Variants in MED13L observed in about 807,000 individuals in gnomAD.
MED13L encodes mediator of RNA polymerase II transcription subunit 13-like.
MED13L carries 7 observed loss-of-function variants against 220.9 expected under a neutral mutation model. That is an observed-to-expected ratio of 0.03 (90% CI 0.02 to 0.06). The LOEUF is 0.06. Ranked by LOEUF, MED13L falls within the 10% of genes least tolerant of loss-of-function variation. MED13L has a pLI of 1.00. For synonymous variants in MED13L, 1,011 were observed against 1,015.2 expected (o/e 1.00, Z 0.08); for missense variants, 1,965 against 2,760.5 (o/e 0.71, Z 6.46).
intron 4 of MED13L, among the ~76,000 whole-genome samples, chr12:116,028,919 T>C (rs1880558688): frequency 6.6e-6 from 1 of 152,186 alleles, no homozygotes; most frequent in African/African-American, 2.4e-5. Flanking sequence ...ACTTTCTCTC[T>C]GTGAAGGTAC....
At position 116,007,462 on chromosome 12, in the gene MED13L, G is replaced by C. The variant is rs1163744014; in HGVS notation, c.2187C>G (p.Ala729=). Residue 729 remains alanine (A), a synonymous_variant, in exon 11 of 31, where the codon GCC becomes GCG. Transcript: ENST00000281928. ...CCGTCCCTTGTTTGCATTTCTTGTT[G>C]GCTGTAAAGATGTATTTTATGTCAC... The part of the protein sequence containing the change: ...EDGDIKYIFT[A]NKKCKQGTEK... 1 of 1,613,698 alleles carries C rather than the reference G, an allele frequency of 6.2e-7. No individual in the cohort carries two copies. The highest frequency in any genetic ancestry group is 8.5e-7 in the Non-Finnish European group (1 of 1,179,862).
At chr12:116,033,133 C>T (rs185307269) in intron 4 of MED13L, among the ~76,000 whole-genome samples, 1 of 151,948 alleles carries the variant, frequency 6.6e-6, no homozygotes, top group East Asian at 1.9e-4. Flanking sequence ...CACTGGAAAG[C>T]GTTCATCTTA....
chr12:116,045,959 T>C (rs1021235390), intron 4 of MED13L, among the ~76,000 whole-genome samples: 17 of 152,160 alleles, frequency 1.1e-4, no homozygotes, highest in Non-Finnish European at 4.4e-5. Flanking sequence ...CAATAAAAAT[T>C]ACATGCATGA....
chr12:116,016,410 TTTAAA>T (rs1399677843), intron 7 of MED13L, among the ~76,000 whole-genome samples: 1 of 152,168 alleles, frequency 6.6e-6, no homozygotes, highest in Admixed American at 6.6e-5. Flanking sequence ...TTTGCTACAT[TTTAAA>T]AGTTCCCAAC....
At chr12:116,041,459 T>C (rs1881521736) in intron 4 of MED13L, among the ~76,000 whole-genome samples, 1 of 152,218 alleles carries the variant, frequency 6.6e-6, no homozygotes, top group Non-Finnish European at 1.5e-5. Flanking sequence ...CGAAGAGATC[T>C]GTTCTACTAC....
intron 2 of MED13L, among the ~76,000 whole-genome samples, chr12:116,131,000 A>G (rs1406812383): frequency 1.3e-5 from 2 of 152,262 alleles, no homozygotes; most frequent in Non-Finnish European, 2.9e-5. Context: ...TTAAAGTTTT[A>G]TAAGCAGGTT....
At chr12:116,185,870 A>AT (rs1350935674) in intron 2 of MED13L, among the ~76,000 whole-genome samples, 7 of 151,992 alleles carry the variant, frequency 4.6e-5, no homozygotes, top group Admixed American at 1.3e-4. Flanking sequence ...ATTTGTTTGT[A>AT]TTTTTGGTAG....
At position 116,019,266 on chromosome 12, in the gene MED13L, T is replaced by C. The variant is rs892475555; in HGVS notation, c.967A>G (p.Met323Val). The change falls in exon 7 of 31, where the codon ATG (methionine) becomes GTG (valine). Residue 323 changes from methionine to valine, a missense_variant. Met to Val is a conservative substitution (Grantham distance 21). Around this residue, in one of 10 missense-constraint regions of MED13L, gnomAD observed 818 missense variants for 1,041.2 expected, o/e 0.79. Transcript: ENST00000281928. The part of the protein sequence containing the change: ...GSVKDPSNCG[M>V]PLTPPTSPEQ... ...GGAGAGGTGGGAGGGGTCAGAGGCA[T>C]CCCACAGTTACTTGGGTCCTTCACA... 1 of 1,613,850 alleles carries C rather than the reference T, an allele frequency of 6.2e-7. No homozygotes were observed. The highest frequency in any genetic ancestry group is 1.3e-5 in the African/African-American group (1 of 74,890).
chr12:116,006,132 T>G lies in MED13L; in HGVS notation c.2345-139A>C, dbSNP rs1566005344. On this transcript the variant is annotated intron_variant, in intron 12 of 30. Coordinates refer to ENST00000281928, the MANE Select transcript of MED13L (RefSeq NM_015335.5). ...TTTTAGTTAAATTTAGAGACAATTA[T>G]TTCCAAATATGTTTATCAGTTTTGA... 7 of 1,367,112 alleles carry G rather than the reference T, an allele frequency of 5.1e-6. No individual in the cohort carries two copies. In the Admixed American group the frequency reaches 7.9e-5, roughly 16 times the overall value. The allele number at this position is 1,367,112 out of a possible 1,614,324, so 84.7% of individuals were successfully genotyped here.
In MED13L at chr12:115,983,055, A is replaced by G; in HGVS notation, c.4955+62T>C. The G allele has an allele frequency of 1.9e-6, 3 of 1,542,100 alleles. No homozygotes were observed. The South Asian group carries it at 3.4e-5, about 17-fold the overall frequency. On this transcript the variant is annotated intron_variant, in intron 21 of 30. Transcript: ENST00000281928. ...CATGAGGTCAAGGGAGAAAAGGTGC[A>G]GAAGAAGAAGAGAGAAAGGGTCTGA...
chr12:116,121,657 C>A (rs891807993), intron 2 of MED13L, among the ~76,000 whole-genome samples: 10 of 152,204 alleles, frequency 6.6e-5, no homozygotes, highest in Non-Finnish European at 1.0e-4. Context: ...TCAAAGAATA[C>A]ATATTTCCTC....
intron 12 of MED13L, 113 bp from the exon 13 acceptor site, chr12:116,006,106 GT>G: frequency 6.8e-7 from 1 of 1,475,576 alleles, no homozygotes. Context: ...TTTCCCTATG[GT>G]TTTAGTTAAA....
At chr12:116,145,056 A>G (rs1877364737) in intron 2 of MED13L, among the ~76,000 whole-genome samples, 1 of 152,200 alleles carries the variant, frequency 6.6e-6, no homozygotes, top group Non-Finnish European at 1.5e-5. Flanking sequence ...TTTTCTTCAT[A>G]TGGCCATTTA....
At chr12:116,071,447 ACAGAGTTTC>A (rs1593009857) in intron 4 of MED13L, among the ~76,000 whole-genome samples, 1 of 152,152 alleles carries the variant, frequency 6.6e-6, no homozygotes, top group East Asian at 1.9e-4. Flanking sequence ...TTTGTTTGAG[ACAGAGTTTC>A]ACTCTTGTTG....
chr12:116,214,764 C>CCTA (rs1882900103), intron 2 of MED13L, among the ~76,000 whole-genome samples: 1 of 152,140 alleles, frequency 6.6e-6, no homozygotes, highest in African/African-American at 2.4e-5. Context: ...AAACCTTCTA[C>CCTA]CTAAACTCAC....
At chr12:116,068,672 T>C (rs190615193) in intron 4 of MED13L, among the ~76,000 whole-genome samples, 109 of 152,300 alleles carry the variant, frequency 7.2e-4, no homozygotes, top group South Asian at 5.4e-3. Context: ...TAACTTGAAT[T>C]GACTTTCTAC....
At chr12:116,194,586 C>G (rs1881500377) in intron 2 of MED13L, among the ~76,000 whole-genome samples, 1 of 152,136 alleles carries the variant, frequency 6.6e-6, no homozygotes. Context: ...TCAAAAGCAT[C>G]ACGAAAATAT....
chr12:116,006,112 G>C lies in MED13L; in HGVS notation c.2345-119C>G, dbSNP rs1023569466. 3 of 1,444,784 alleles carry C rather than the reference G, an allele frequency of 2.1e-6. No homozygotes were observed. In the African/African-American group the frequency reaches 4.2e-5, roughly 20 times the overall value. 89.5% of individuals were successfully genotyped at this position (1,444,784 alleles called of 1,614,324 possible). ...CTGTGAGTTTTTCCCTATGGTTTTA[G>C]TTAAATTTAGAGACAATTATTTCCA... On this transcript the variant is annotated intron_variant, in intron 12 of 30. Coordinates refer to ENST00000281928, the MANE Select transcript of MED13L (RefSeq NM_015335.5).
intron 1 of MED13L, among the ~76,000 whole-genome samples, chr12:116,244,539 GAT>G (rs1160188080): frequency 1.3e-5 from 2 of 152,178 alleles, no homozygotes; most frequent in Non-Finnish European, 2.9e-5. Context: ...TGAAGAAAGA[GAT>G]ACAACCCAAT....
Sources: allele counts gnomAD v4.1 joint callset (sites outside exome capture counted in the v4.1 genomes callset), GRCh38; gene constraint gnomAD v4.1.1; regional missense constraint gnomAD v4.1.1; transcripts MANE v1.5; gene names NCBI Gene and HGNC (gene_info 2026-07-23, HGNC 2026-07-21).